Variants in GRID1 observed in about 807,000 individuals in gnomAD.
The protein encoded by GRID1 is glutamate ionotropic receptor delta type subunit 1.
Under a neutral mutation model 98.0 loss-of-function variants are expected in GRID1, and 28 were observed. That is an observed-to-expected ratio of 0.29 (90% CI 0.21 to 0.39). GRID1 has a LOEUF of 0.39. GRID1 is among the 10% of genes least tolerant of loss of function. GRID1 has a pLI of 1.00. For missense variants in GRID1, 1,111 were observed against 1,340.5 expected (o/e 0.83, Z 2.67); for synonymous variants, 553 against 538.5 (o/e 1.03, Z -0.37).
rs1306118904 is a variant in GRID1, at chr10:85,602,590, T to C, written c.2713A>G (p.Met905Val). The change falls in exon 16 of 16, where the codon ATG becomes GTG. Residue 905 changes from methionine to valine, a missense_variant. Coordinates refer to ENST00000327946, the MANE Select transcript of GRID1 (RefSeq NM_017551.3). ...PASIELSALE[M>V]GGLAPTQTLE... ...GTCTGGGTGGGAGCCAGGCCCCCCA[T>C]CTCCAGGGCCGAGAGCTCAATCGAC... 6.2e-7 allele frequency: 1 copy of C among 1,613,544 alleles called. No individual in the cohort carries two copies. Among genetic ancestry groups the C allele is most frequent in the East Asian group, 2.2e-5 (1 of 44,804 alleles).
intron 12 of GRID1, among the ~76,000 whole-genome samples, chr10:85,686,822 CAAAGAT>C (rs1218759052): frequency 6.6e-6 from 1 of 151,650 alleles, no homozygotes; most frequent in African/African-American, 2.4e-5. Context: ...ACAAAACATA[CAAAGAT>C]AGTTAATGAG....
intron 4 of GRID1, among the ~76,000 whole-genome samples, chr10:85,990,920 G>A (rs750652449): frequency 1.7e-4 from 26 of 152,148 alleles, no homozygotes; most frequent in Non-Finnish European, 3.1e-4. Flanking sequence ...ATAACTTTAA[G>A]GTCACTTTTA....
Position 85,611,947 on chromosome 10 carries a change from T to C in GRID1, c.2601+1460A>G, listed in dbSNP as rs553330079. ...GGTCTGTCTTCCTTCCCTTCTGAGCTCCAGGGGTGATAGGACAGCCACTGA... is the reference window on the plus strand; with the variant it reads ...GGTCTGTCTTCCTTCCCTTCTGAGCCCCAGGGGTGATAGGACAGCCACTGA... On this transcript the variant is annotated intron_variant, in intron 15 of 15. Transcript: ENST00000327946. Among the ~76,000 whole-genome samples, 18 of 152,282 alleles carry C rather than the reference T, an allele frequency of 1.2e-4. No individual in the cohort carries two copies. In the South Asian group the frequency reaches 3.1e-3, roughly 26 times the overall value.
rs543760710 is a variant in GRID1 at position 85,845,396 on chromosome 10, GAAATTGAAGAAGCCATAAAT to G, written c.1233+9080_1233+9099del. On this transcript the variant is annotated intron_variant, in intron 8 of 15. Transcript: ENST00000327946. Reference sequence around the variant, plus strand: ...TGAAAGCTACAAAACTTTACTGAGAGAAATTGAAGAAGCCATAAATAAATTGAGGGGTATACTATATTCAT... The same window carrying G: ...TGAAAGCTACAAAACTTTACTGAGAGAAATTGAGGGGTATACTATATTCAT... 9.9e-5 allele frequency among the ~76,000 whole-genome samples: 15 copies of G among 152,238 alleles called. No individual in the cohort carries two copies. In the South Asian group the frequency reaches 1.9e-3, roughly 19 times the overall value.
At chr10:85,998,100 AATT>A (rs2131872810) in intron 4 of GRID1, among the ~76,000 whole-genome samples, 1 of 152,316 alleles carries the variant, frequency 6.6e-6, no homozygotes, top group South Asian at 2.1e-4. Flanking sequence ...TAGACAAAAA[AATT>A]ATCAAAGATA....
chr10:85,635,001 A>G (rs987260804), intron 13 of GRID1, among the ~76,000 whole-genome samples: 4 of 57,220 alleles, frequency 7.0e-5, no homozygotes, highest in Non-Finnish European at 1.0e-4. Flanking sequence ...GAAATCTGAA[A>G]AAAAAAAAAA....
Position 85,613,414 on chromosome 10 carries a change from G to A in GRID1, c.2594C>T (p.Pro865Leu), listed in dbSNP as rs1437472138. ...WNSNRCHQET[P>L]KEDKEVNLEQ... is the part of the protein sequence containing the mutation. ...AGGCCCCAGGGTGCTGACCTCCTTG[G>A]GGGTCTCCTGGTGGCACCGGTTGCT... Residue 865 changes from proline (P) to leucine (L), a missense_variant, in exon 15 of 16, where the codon CCC (proline) becomes CTC (leucine). By Grantham distance (98) the Pro-to-Leu change is moderately conservative. Around this residue, in one of 3 missense-constraint regions of GRID1, gnomAD observed 762 missense variants for 869.1 expected, o/e 0.88. Transcript: ENST00000327946. The A allele has an allele frequency of 6.2e-7, 1 of 1,612,586 alleles. No individual in the cohort carries two copies. Among genetic ancestry groups the A allele is most frequent in the African/African-American group, 1.3e-5 (1 of 74,894 alleles).
At chr10:85,662,562 G>A (rs1840977739) in intron 12 of GRID1, among the ~76,000 whole-genome samples, 1 of 152,206 alleles carries the variant, frequency 6.6e-6, no homozygotes, top group African/African-American at 2.4e-5. Flanking sequence ...CCACCCACAA[G>A]GCCAATGCCA....
At chr10:86,026,953 G>T (rs1298771081) in intron 4 of GRID1, among the ~76,000 whole-genome samples, 1 of 152,196 alleles carries the variant, frequency 6.6e-6, no homozygotes, top group Non-Finnish European at 1.5e-5. Context: ...TGGAGACAAA[G>T]AAACAACCTG....
At chr10:85,668,824 C>T (rs147616860) in intron 12 of GRID1, among the ~76,000 whole-genome samples, 196 of 152,336 alleles carry the variant, frequency 1.3e-3, no homozygotes, top group Middle Eastern at 0.01. Flanking sequence ...AGGCTCTACG[C>T]TGCACATCAA....
chr10:86,114,760 C>G (rs1357504579), intron 4 of GRID1, among the ~76,000 whole-genome samples: 1 of 152,176 alleles, frequency 6.6e-6, no homozygotes, highest in Non-Finnish European at 1.5e-5. Context: ...CAGACCTATT[C>G]GGAGGGAAAC....
chr10:85,836,856 T>C (rs1293709305), intron 8 of GRID1, among the ~76,000 whole-genome samples: 1 of 142,334 alleles, frequency 7.0e-6, no homozygotes, highest in Non-Finnish European at 1.6e-5. Context: ...CAGCGTCAGG[T>C]GCCCTGGTGG....
At position 85,710,948 on chromosome 10, in the gene GRID1, GACAA is replaced by G. The variant is rs202087331; in HGVS notation, c.1997+12051_1997+12054del. Among the ~76,000 whole-genome samples, 1,251 of 152,016 alleles carry G rather than the reference GACAA, an allele frequency of 8.2e-3. 17 individuals carry two copies. The highest frequency in any genetic ancestry group is 0.028 in the African/African-American group (1,166 of 41,502). ...ATTGAAATGGCTATTTAAAAAAACA[GACAA>G]ACAAACAAAAAGCAGATAACAACAA... On this transcript the variant is annotated intron_variant, in intron 12 of 15. Coordinates refer to ENST00000327946, the MANE Select transcript of GRID1 (RefSeq NM_017551.3).
At chr10:85,919,610 G>A (rs1467060196) in intron 4 of GRID1, among the ~76,000 whole-genome samples, 1 of 152,178 alleles carries the variant, frequency 6.6e-6, no homozygotes, top group East Asian at 1.9e-4. Flanking sequence ...GTCCCTCCCA[G>A]CACCATTAAT....
At chr10:86,142,579 C>A (rs368250775) in intron 3 of GRID1, among the ~76,000 whole-genome samples, 9 of 152,354 alleles carry the variant, frequency 5.9e-5, no homozygotes, top group African/African-American at 2.2e-4. Flanking sequence ...AAAGGTGGGA[C>A]CCTGAGACCT....
chr10:86,006,695 GA>G (rs1842864681), intron 4 of GRID1, among the ~76,000 whole-genome samples: 1 of 151,642 alleles, frequency 6.6e-6, no homozygotes, highest in Admixed American at 6.6e-5. Context: ...TCTAGGGGTA[GA>G]AAAGGATTTT....
intron 8 of GRID1, among the ~76,000 whole-genome samples, chr10:85,841,220 C>G (rs9798471): frequency 6.6e-6 from 1 of 152,054 alleles, no homozygotes; most frequent in African/African-American, 2.4e-5. Flanking sequence ...ACAAACCTGA[C>G]AAAAACAAGC....
chr10:85,780,780 A>G (rs1842374427), intron 8 of GRID1, among the ~76,000 whole-genome samples: 1 of 152,224 alleles, frequency 6.6e-6, no homozygotes, highest in Non-Finnish European at 1.5e-5. Flanking sequence ...GTCAATATCA[A>G]TGCTTAATCA....
intron 11 of GRID1, 52 bp from the exon 12 acceptor site, chr10:85,723,193 A>C (rs756647756): frequency 2.6e-6 from 4 of 1,537,664 alleles, no homozygotes; most frequent in Non-Finnish European, 3.5e-6. Flanking sequence ...TCTCCCTCCT[A>C]TCCCCAGGGA....
Sources: allele counts gnomAD v4.1 joint callset (sites outside exome capture counted in the v4.1 genomes callset), GRCh38; gene constraint gnomAD v4.1.1; regional missense constraint gnomAD v4.1.1; transcripts MANE v1.5; gene names NCBI Gene and HGNC (gene_info 2026-07-23, HGNC 2026-07-21).